DCLK1: variants seen among roughly 807,000 people sequenced by gnomAD.
DCLK1 encodes the protein doublecortin like kinase 1, also known as serine/threonine-protein kinase DCLK1.
In DCLK1, 16 loss-of-function variants were observed where a neutral mutation model predicts 86.2. The observed-to-expected ratio is 0.19, with a 90% confidence interval of 0.13 to 0.28. The LOEUF (loss-of-function observed/expected upper bound fraction) is 0.28. DCLK1 is among the 10% of genes least tolerant of loss of function. DCLK1 has a pLI of 1.00. For synonymous variants in DCLK1, 369 were observed against 370.5 expected, an observed-to-expected ratio of 1.00 and a Z score of 0.05; for missense variants, 590 against 940.2, an observed-to-expected ratio of 0.63 and a Z score of 4.87.
Position 35,947,449 on chromosome 13 carries a change from G to A in DCLK1, c.732C>T (p.Cys244=). 1 of 1,613,282 alleles carries A rather than the reference G, an allele frequency of 6.2e-7. No homozygotes were observed. Among genetic ancestry groups the A allele is most frequent in the South Asian group, 1.1e-5 (1 of 90,994 alleles). Residue 244 remains cysteine, a synonymous_variant, in exon 4 of 17, where the codon TGC becomes TGT. Coordinates refer to ENST00000360631, the MANE Select transcript of DCLK1 (RefSeq NM_001330071.2). The part of the protein sequence containing the change: ...LYTLDGKQVM[C]LQDFFGDDDI... ...CATCATCACCAAAAAAGTCCTGAAG[G>A]CACATCACCTACAAGAGAAAAGCAT...
chr13:35,921,380 C>G lies in DCLK1; in HGVS notation c.823+25978G>C, dbSNP rs191569790. Among the ~76,000 whole-genome samples, 427 of 152,258 alleles carry G rather than the reference C, an allele frequency of 2.8e-3. 4 individuals carry two copies. The highest frequency in any genetic ancestry group is 9.5e-3 in the African/African-American group (393 of 41,540). On this transcript the variant is annotated intron_variant, in intron 4 of 16. Transcript: ENST00000360631. ...CCACAACACCCCACTCTCACCCCTA[C>G]ATACCCATGGAGCATCAGACCCCAC... is the stretch of plus-strand genomic sequence containing the variant.
intron 8 of DCLK1, 102 bp from the exon 9 acceptor site, chr13:35,828,409 G>T: frequency 2.2e-6 from 2 of 900,884 alleles, no homozygotes; most frequent in Non-Finnish European, 3.3e-6. Flanking sequence ...CTTGCATCAT[G>T]TTGTAAATAT....
At chr13:36,072,949 G>A (rs75718324) in intron 3 of DCLK1, among the ~76,000 whole-genome samples, 3,700 of 152,056 alleles carry the variant, frequency 0.024, 42 homozygotes, top group South Asian at 0.06. Flanking sequence ...TAATTCATGC[G>A]CATTACTACA....
At chr13:36,084,359 C>CCT (rs1884524252) in intron 3 of DCLK1, among the ~76,000 whole-genome samples, 1 of 152,156 alleles carries the variant, frequency 6.6e-6, no homozygotes, top group South Asian at 2.1e-4. Flanking sequence ...TTTCAAATGA[C>CCT]TGACGTACAA....
At chr13:36,051,674 A>G (rs1279988520) in intron 3 of DCLK1, among the ~76,000 whole-genome samples, 1 of 152,114 alleles carries the variant, frequency 6.6e-6, no homozygotes, top group Non-Finnish European at 1.5e-5. Context: ...TTTCTCTCTG[A>G]AATTACCCTG....
chr13:35,829,619 C>G (rs989839720), intron 8 of DCLK1, among the ~76,000 whole-genome samples: 1 of 152,130 alleles, frequency 6.6e-6, no homozygotes, highest in African/African-American at 2.4e-5. Flanking sequence ...ATGTCATTTA[C>G]TCCTAAAAAT....
chr13:35,867,967 GAA>G (rs1871974522), intron 5 of DCLK1, among the ~76,000 whole-genome samples: 1 of 46,204 alleles, frequency 2.2e-5, no homozygotes, highest in African/African-American at 8.3e-5. Flanking sequence ...GAAAGAAAGA[GAA>G]AAAGAAAGAC....
At chr13:36,125,170 G>A (rs1428177600) in intron 2 of DCLK1, among the ~76,000 whole-genome samples, 1 of 152,138 alleles carries the variant, frequency 6.6e-6, no homozygotes, top group Non-Finnish European at 1.5e-5. Flanking sequence ...TCAAAAATCA[G>A]AGAAAGACAA....
intron 3 of DCLK1, among the ~76,000 whole-genome samples, chr13:35,978,075 G>T (rs1038352649): frequency 6.6e-5 from 10 of 151,672 alleles, no homozygotes; most frequent in African/African-American, 2.4e-4. Flanking sequence ...TTACAAATTG[G>T]TGTCAATTTC....
intron 3 of DCLK1, among the ~76,000 whole-genome samples, chr13:36,111,518 T>C (rs572546807): frequency 7.2e-5 from 11 of 152,310 alleles, no homozygotes; most frequent in African/African-American, 2.4e-4. Context: ...TGGTCAGAGT[T>C]TACTTTCACA....
chr13:35,841,539 A>C (rs991969047), intron 6 of DCLK1, among the ~76,000 whole-genome samples: 1 of 152,160 alleles, frequency 6.6e-6, no homozygotes, highest in East Asian at 1.9e-4. Context: ...AAAGGAAAAA[A>C]AAGTAGGGTT....
chr13:35,807,855 G>T (rs1466647948), intron 14 of DCLK1, among the ~76,000 whole-genome samples: 1 of 152,176 alleles, frequency 6.6e-6, no homozygotes, highest in African/African-American at 2.4e-5. Context: ...GGTCTGGGAA[G>T]GCTTCACTGG....
intron 3 of DCLK1, among the ~76,000 whole-genome samples, chr13:36,079,277 C>A (rs527609694): frequency 2.0e-5 from 3 of 152,142 alleles, no homozygotes; most frequent in Non-Finnish European, 2.9e-5. Flanking sequence ...GAAACTTGTG[C>A]ATGAGGATAT....
intron 4 of DCLK1, among the ~76,000 whole-genome samples, chr13:35,892,608 T>C (rs114713867): frequency 0.013 from 1,988 of 152,264 alleles, 49 homozygotes; most frequent in African/African-American, 0.046. Flanking sequence ...CAAAATATAT[T>C]GAGTATTTTA....
At chr13:35,954,288 C>A (rs1455856625) in intron 3 of DCLK1, among the ~76,000 whole-genome samples, 2 of 151,918 alleles carry the variant, frequency 1.3e-5, no homozygotes, top group African/African-American at 4.8e-5. Context: ...CTGCACAATT[C>A]GTAATGTGAC....
At chr13:35,876,344 C>T (rs1872590405) in intron 4 of DCLK1, among the ~76,000 whole-genome samples, 2 of 151,992 alleles carry the variant, frequency 1.3e-5, no homozygotes, top group Admixed American at 1.3e-4. Context: ...GGTTGAATAA[C>T]AAAAACAGAA....
intron 15 of DCLK1, among the ~76,000 whole-genome samples, chr13:35,797,463 G>C (rs1386369268): frequency 6.6e-6 from 1 of 152,084 alleles, no homozygotes; most frequent in Non-Finnish European, 1.5e-5. Flanking sequence ...CAGATACTGG[G>C]GCCTGGAGGT....
chr13:35,988,376 T>C (rs558876555), intron 3 of DCLK1, among the ~76,000 whole-genome samples: 132 of 152,262 alleles, frequency 8.7e-4, no homozygotes, highest in Admixed American at 8.4e-3. Flanking sequence ...CTCTCACCTC[T>C]TGCAACACCG....
chr13:35,881,785 C>T (rs753333814), intron 4 of DCLK1, among the ~76,000 whole-genome samples: 1 of 152,172 alleles, frequency 6.6e-6, no homozygotes, highest in Admixed American at 6.5e-5. Context: ...AACAAAGCAG[C>T]TAACTTCAGT....
Sources: allele counts gnomAD v4.1 joint callset (sites outside exome capture counted in the v4.1 genomes callset), GRCh38; gene constraint gnomAD v4.1.1; transcripts MANE v1.5; gene names NCBI Gene and HGNC (gene_info 2026-07-23, HGNC 2026-07-21).